CACNB2: variants seen among roughly 807,000 people sequenced by gnomAD.
The protein encoded by CACNB2 is calcium voltage-gated channel auxiliary subunit beta 2, also known as voltage-dependent L-type calcium channel subunit beta-2.
A neutral mutation model predicts 73.3 loss-of-function variants in CACNB2; 42 were observed. The ratio of observed to expected loss-of-function variants is 0.57; its 90% confidence interval spans 0.45 to 0.74. The LOEUF (loss-of-function observed/expected upper bound fraction) is 0.74. Among genes scored for constraint, CACNB2 ranks in the 30% least tolerant of loss-of-function variants. The pLI, the probability that CACNB2 is intolerant of heterozygous loss-of-function variation, is 0.00. For missense variants in CACNB2, 940 were observed against 853.0 expected (o/e 1.10, Z -1.27); for synonymous variants, 348 against 310.3 (o/e 1.12, Z -1.28).
chr10:18,538,360 T>G lies in CACNB2; in HGVS notation c.1483T>G (p.Ser495Ala). ...TCTTAGCCCCACCCTAGCCTCTAATTCACAGGTAAGGGGAGTTTTTATATA... is the reference window on the plus strand; with the variant it reads ...TCTTAGCCCCACCCTAGCCTCTAATGCACAGGTAAGGGGAGTTTTTATATA... ...LPLSPTLASNSQGSQGDQRTD... is the reference protein window; with the variant it reads ...LPLSPTLASNAQGSQGDQRTD... The change falls in exon 13 of 14, where the codon TCA becomes GCA. Residue 495 changes from serine to alanine, a missense_variant. Ser to Ala is a moderately conservative substitution (Grantham distance 99). Transcript: ENST00000324631. 6.2e-7 allele frequency: 1 copy of G among 1,608,138 alleles called. No homozygotes were observed. The highest frequency in any genetic ancestry group is 8.5e-7 in the Non-Finnish European group (1 of 1,174,320).
chr10:18,539,422 G>A lies in CACNB2; in HGVS notation c.1681G>A (p.Glu561Lys), dbSNP rs199714857. The change falls in exon 14 of 14, where the codon GAG becomes AAG. Residue 561 changes from glutamate (E) to lysine (K), a missense_variant. Physicochemically the swap from Glu to Lys is moderately conservative, Grantham distance 56. Transcript: ENST00000324631. ...AGAGACATTTGACTCGGAAACCCAGGAGAGTCGAGACTCTGCCTACGTAGA... is the reference window on the plus strand; with the variant it reads ...AGAGACATTTGACTCGGAAACCCAGAAGAGTCGAGACTCTGCCTACGTAGA... The part of the protein sequence containing the change: ...RQETFDSETQ[E>K]SRDSAYVEPK... 160 of 1,614,032 alleles carry A rather than the reference G, an allele frequency of 9.9e-5. 2 individuals are homozygous for A. Among genetic ancestry groups the A allele is most frequent in the South Asian group, 3.2e-4 (29 of 91,068 alleles).
At chr10:18,248,282 C>T (rs2036945851) in intron 2 of CACNB2, among the ~76,000 whole-genome samples, 1 of 152,122 alleles carries the variant, frequency 6.6e-6, no homozygotes, top group Non-Finnish European at 1.5e-5. Context: ...TGAGTTGGAT[C>T]TTTCAAAAAT....
chr10:18,176,510 G>A (rs1343209846), intron 2 of CACNB2, among the ~76,000 whole-genome samples: 1 of 151,988 alleles, frequency 6.6e-6, no homozygotes, highest in Non-Finnish European at 1.5e-5. Flanking sequence ...GGGAAAGATG[G>A]GTGTTCTAGG....
At chr10:18,247,589 T>C (rs2131537631) in intron 2 of CACNB2, among the ~76,000 whole-genome samples, 1 of 152,274 alleles carries the variant, frequency 6.6e-6, no homozygotes. Context: ...TTTAGGCACA[T>C]CTGTAGGTAC....
chr10:18,445,876 A>G (rs1358709249), intron 3 of CACNB2, among the ~76,000 whole-genome samples: 2 of 152,212 alleles, frequency 1.3e-5, no homozygotes, highest in Non-Finnish European at 1.5e-5. Context: ...TCTACCAAAA[A>G]TACAAAAATT....
At chr10:18,281,691 G>A (rs941103515) in intron 2 of CACNB2, among the ~76,000 whole-genome samples, 1 of 152,144 alleles carries the variant, frequency 6.6e-6, no homozygotes, top group African/African-American at 2.4e-5. Context: ...ATGTTTCTGG[G>A]AGACAGAGGA....
chr10:18,315,525 A>AAAAACATTTTTTTTTTTTTT (rs2040144943), intron 2 of CACNB2, among the ~76,000 whole-genome samples: 1 of 133,454 alleles, frequency 7.5e-6, no homozygotes, highest in Non-Finnish European at 1.6e-5. Flanking sequence ...AAAAAAAAAA[A>AAAAACATTTTTTTTTTTTTT]AAACTTTTTT....
At chr10:18,291,188 C>T (rs909483364) in intron 2 of CACNB2, among the ~76,000 whole-genome samples, 3 of 152,192 alleles carry the variant, frequency 2.0e-5, no homozygotes, top group African/African-American at 7.2e-5. Flanking sequence ...AAACTGAGCC[C>T]TGAATTATCT....
At chr10:18,301,750 A>G (rs1176188156) in intron 2 of CACNB2, among the ~76,000 whole-genome samples, 2 of 151,452 alleles carry the variant, frequency 1.3e-5, no homozygotes, top group Non-Finnish European at 2.9e-5. Context: ...CTGGGTTCCA[A>G]TGATTCTCCT....
At chr10:18,433,800 G>T (rs982309929) in intron 3 of CACNB2, among the ~76,000 whole-genome samples, 3 of 152,160 alleles carry the variant, frequency 2.0e-5, no homozygotes, top group Non-Finnish European at 4.4e-5. Flanking sequence ...CAGTAAACGT[G>T]TTATGGCAAG....
intron 2 of CACNB2, among the ~76,000 whole-genome samples, chr10:18,158,688 A>G (rs916824936): frequency 6.6e-6 from 1 of 152,220 alleles, no homozygotes; most frequent in African/African-American, 2.4e-5. Flanking sequence ...GAAAGGAAAA[A>G]AAAATCTCTA....
chr10:18,365,235 G>C (rs985661156), intron 2 of CACNB2, among the ~76,000 whole-genome samples: 1 of 152,122 alleles, frequency 6.6e-6, no homozygotes, highest in African/African-American at 2.4e-5. Context: ...CTGGGAGTTA[G>C]TTTGTTTTCA....
intron 2 of CACNB2, among the ~76,000 whole-genome samples, chr10:18,183,491 T>TG (rs1420966635): frequency 3.3e-5 from 5 of 152,164 alleles, no homozygotes; most frequent in Non-Finnish European, 7.3e-5. Flanking sequence ...TCCACATGGC[T>TG]GGGGAGGCCT....
intron 2 of CACNB2, among the ~76,000 whole-genome samples, chr10:18,338,705 A>G (rs145604405): frequency 3.7e-5 from 3 of 81,060 alleles, no homozygotes; most frequent in East Asian, 3.1e-4. Context: ...TTCCTTCCTG[A>G]CTTCCTGCCT....
chr10:18,174,031 G>A (rs926032855), intron 2 of CACNB2, among the ~76,000 whole-genome samples: 2 of 152,134 alleles, frequency 1.3e-5, no homozygotes, highest in Admixed American at 6.5e-5. Flanking sequence ...GATTCATTCT[G>A]TAAGAGGTAA....
intron 2 of CACNB2, chr10:18,400,522 G>A (rs888483124): frequency 2.1e-6 from 2 of 961,568 alleles, no homozygotes; most frequent in African/African-American, 1.8e-5. Flanking sequence ...GACATATGGA[G>A]CATGCCCAGT....
intron 3 of CACNB2, among the ~76,000 whole-genome samples, chr10:18,448,650 T>A (rs1385410766): frequency 1.3e-5 from 2 of 151,814 alleles, no homozygotes; most frequent in Admixed American, 6.6e-5. Flanking sequence ...TTCTAACAAG[T>A]TCCCAGGTGA....
At chr10:18,534,838 C>A (rs150229900) in intron 11 of CACNB2, among the ~76,000 whole-genome samples, 2 of 152,170 alleles carry the variant, frequency 1.3e-5, no homozygotes, top group African/African-American at 4.8e-5. Context: ...TCATAGAATA[C>A]CATTTTTATC....
chr10:18,225,286 A>C (rs1564358465), intron 2 of CACNB2, among the ~76,000 whole-genome samples: 1 of 152,120 alleles, frequency 6.6e-6, no homozygotes, highest in Non-Finnish European at 1.5e-5. Flanking sequence ...AGGGCTAAGC[A>C]GCTTAAAAAC....
Sources: gnomAD v4.1 joint callset for allele counts (sites outside exome capture counted in the v4.1 genomes callset) on GRCh38, gnomAD v4.1.1 for gene constraint, MANE v1.5 for transcripts, NCBI Gene and HGNC (gene_info 2026-07-23, HGNC 2026-07-21) for gene names.